CELF4: variants seen among roughly 807,000 people sequenced by gnomAD.
CELF4 encodes CUG-BP- and ETR-3-like factor 4.
In CELF4, 18 loss-of-function variants were observed where a neutral mutation model predicts 59.9. The ratio of observed to expected loss-of-function variants is 0.30; its 90% confidence interval spans 0.21 to 0.45. CELF4 has a LOEUF of 0.45. Among genes scored for constraint, CELF4 ranks in the 20% least tolerant of loss-of-function variants. The probability of loss-of-function intolerance (pLI) is 1.00; values close to 1 mark genes in which losing one functional copy is unlikely to be tolerated. For missense variants in CELF4, 456 were observed against 689.0 expected (o/e 0.66, Z 3.79); for synonymous variants, 261 against 267.1 (o/e 0.98, Z 0.22).
chr18:37,378,247 T>C (rs1488292938), intron 2 of CELF4, among the ~76,000 whole-genome samples: 1 of 152,052 alleles, frequency 6.6e-6, no homozygotes, highest in East Asian at 1.9e-4. Flanking sequence ...GAGCGGAAGG[T>C]GCTTTCTCTG....
chr18:37,550,650 C>T (rs1172511730), intron 1 of CELF4, among the ~76,000 whole-genome samples: 2 of 152,238 alleles, frequency 1.3e-5, no homozygotes, highest in African/African-American at 4.8e-5. Flanking sequence ...AAGAGATCAG[C>T]CCGTCCGCTG....
At chr18:37,509,361 A>G (rs2099941721) in intron 1 of CELF4, among the ~76,000 whole-genome samples, 1 of 152,238 alleles carries the variant, frequency 6.6e-6, no homozygotes, top group Non-Finnish European at 1.5e-5. Context: ...TGGGAAAGCC[A>G]TGTGTGTGTG....
chr18:37,341,627 C>T (rs1178446383), intron 2 of CELF4, among the ~76,000 whole-genome samples: 1 of 152,168 alleles, frequency 6.6e-6, no homozygotes, highest in African/African-American at 2.4e-5. Context: ...CTCAGAGTGT[C>T]CTCTGCCCCA....
chr18:37,484,650 C>T (rs574721433), intron 2 of CELF4, among the ~76,000 whole-genome samples: 1 of 152,354 alleles, frequency 6.6e-6, no homozygotes, highest in East Asian at 1.9e-4. Flanking sequence ...TTCTCTCCGT[C>T]TACCTGGTTA....
At chr18:37,532,905 T>C (rs1569569780) in intron 1 of CELF4, among the ~76,000 whole-genome samples, 1 of 152,234 alleles carries the variant, frequency 6.6e-6, no homozygotes. Flanking sequence ...AAAGTTCTTG[T>C]CTAAGTGGCT....
intron 2 of CELF4, among the ~76,000 whole-genome samples, chr18:37,408,983 G>A (rs553556588): frequency 4.6e-5 from 7 of 152,274 alleles, no homozygotes; most frequent in Admixed American, 2.6e-4. Context: ...GGGATCCCCC[G>A]CACCGGGTGC....
intron 1 of CELF4, among the ~76,000 whole-genome samples, chr18:37,514,226 T>C (rs548751355): frequency 7.4e-4 from 113 of 152,110 alleles, no homozygotes; most frequent in Non-Finnish European, 1.3e-3. Flanking sequence ...CTGCTCCACT[T>C]CTCCCATCAT....
At chr18:37,377,815 G>T (rs147306124) in intron 2 of CELF4, among the ~76,000 whole-genome samples, 165 of 152,268 alleles carry the variant, frequency 1.1e-3, no homozygotes, top group Non-Finnish European at 2.0e-3. Flanking sequence ...GGGCAGGGCT[G>T]ATGCCACTGG....
intron 2 of CELF4, among the ~76,000 whole-genome samples, chr18:37,353,044 AC>A (rs1214273026): frequency 6.6e-6 from 1 of 151,832 alleles, no homozygotes. Context: ...ACACGGTGAA[AC>A]CCTGTCTCTA....
chr18:37,418,951 G>A (rs564175917), intron 2 of CELF4, among the ~76,000 whole-genome samples: 1 of 152,340 alleles, frequency 6.6e-6, no homozygotes, highest in South Asian at 2.1e-4. Context: ...ATTTCATGCT[G>A]TGCCTGTGTC....
intron 1 of CELF4, among the ~76,000 whole-genome samples, chr18:37,557,472 G>C (rs2099985146): frequency 6.6e-6 from 1 of 152,192 alleles, no homozygotes; most frequent in African/African-American, 2.4e-5. Context: ...CAGCTAAGAG[G>C]GAAGAAAATG....
intron 1 of CELF4, among the ~76,000 whole-genome samples, chr18:37,555,550 A>T (rs1444183577): frequency 6.6e-6 from 1 of 152,220 alleles, no homozygotes; most frequent in Non-Finnish European, 1.5e-5. Context: ...TTAATTTTAC[A>T]TGGGCATAAT....
intron 7 of CELF4, among the ~76,000 whole-genome samples, chr18:37,271,192 AG>A (rs561131968): frequency 3.0e-4 from 45 of 151,130 alleles, no homozygotes; most frequent in African/African-American, 9.5e-4. Flanking sequence ...GCTTGTCCTT[AG>A]ACAGCACATA....
chr18:37,538,120 G>A (rs1162564392), intron 1 of CELF4, among the ~76,000 whole-genome samples: 2 of 152,212 alleles, frequency 1.3e-5, no homozygotes, highest in African/African-American at 4.8e-5. Context: ...CTTCCGGGAG[G>A]CCAGAGGGAT....
intron 1 of CELF4, among the ~76,000 whole-genome samples, chr18:37,495,131 T>A (rs1357278799): frequency 2.0e-5 from 3 of 152,204 alleles, no homozygotes; most frequent in Non-Finnish European, 2.9e-5. Flanking sequence ...CTATGTTCCT[T>A]TCTGATGAAC....
intron 1 of CELF4, among the ~76,000 whole-genome samples, chr18:37,519,616 G>A (rs1048375054): frequency 6.6e-6 from 1 of 152,208 alleles, no homozygotes; most frequent in Non-Finnish European, 1.5e-5. Context: ...ATAAGATGCC[G>A]AGATCTGTGG....
intron 2 of CELF4, among the ~76,000 whole-genome samples, chr18:37,466,010 C>T (rs2099807436): frequency 6.6e-6 from 1 of 152,192 alleles, no homozygotes; most frequent in African/African-American, 2.4e-5. Flanking sequence ...AGTCAAAGGC[C>T]ACTGTGGACC....
At chr18:37,372,691 C>A (rs1335874243) in intron 2 of CELF4, among the ~76,000 whole-genome samples, 1 of 151,932 alleles carries the variant, frequency 6.6e-6, no homozygotes, top group Non-Finnish European at 1.5e-5. Flanking sequence ...TGGAAACAAC[C>A]ATTTATAAAC....
At chr18:37,250,078 G>A (rs982070925) in intron 12 of CELF4, among the ~76,000 whole-genome samples, 8 of 152,234 alleles carry the variant, frequency 5.3e-5, no homozygotes, top group South Asian at 2.1e-4. Context: ...AAGCAGTGGC[G>A]GAACAAGGGG....
Sources: allele counts gnomAD v4.1 joint callset (sites outside exome capture counted in the v4.1 genomes callset), GRCh38; gene constraint gnomAD v4.1.1; transcripts MANE v1.5; gene names NCBI Gene and HGNC (gene_info 2026-07-23, HGNC 2026-07-21).